CFLAR: variants seen among roughly 807,000 people sequenced by gnomAD.
CFLAR encodes CASP8 and FADD-like apoptosis regulator.
Under a neutral mutation model 51.1 loss-of-function variants are expected in CFLAR, and 14 were observed. The ratio of observed to expected loss-of-function variants is 0.27; its 90% CI spans 0.18 to 0.43. The LOEUF (loss-of-function observed/expected upper bound fraction) is 0.43. CFLAR is among the 20% of genes least tolerant of loss of function. CFLAR has a pLI of 1.00. For missense variants in CFLAR, 390 were observed against 566.5 expected (o/e 0.69, Z 3.16); for synonymous variants, 210 against 211.6 (o/e 0.99, Z 0.06).
chr2:201,122,060 C>T (rs992352500), intron 1 of CFLAR, among the ~76,000 whole-genome samples: 3 of 152,230 alleles, frequency 2.0e-5, no homozygotes, highest in African/African-American at 7.2e-5. Context: ...GAGACCTGGT[C>T]TCTGAACTCA....
At chr2:201,129,702 T>G (rs1028175670) in intron 1 of CFLAR, 27 bp from the exon 2 acceptor site, 5 of 642,900 alleles carry the variant, frequency 7.8e-6, no homozygotes, top group Non-Finnish European at 1.1e-5. Context: ...TGATAAGATT[T>G]TCAGAAAAAT....
chr2:201,153,039 T>G (rs1270604481), intron 8 of CFLAR: 2 of 152,240 alleles, frequency 1.3e-5, no homozygotes, highest in African/African-American at 2.4e-5. Flanking sequence ...TCCTTTAAAG[T>G]TCAACATCTT....
rs902288477 is a variant in CFLAR, at chr2:201,138,079, C to T, written c.523+1972C>T. The T allele has an allele frequency of 1.6e-5, 12 of 732,732 alleles. No individual in the cohort carries two copies. Among genetic ancestry groups the T allele is most frequent in the South Asian group, 4.3e-5 (3 of 70,096 alleles). The allele number at this position is 732,732 out of a possible 1,614,324, so 45.4% of individuals were successfully genotyped here. ...ACTTCCTGGTTGATGTAGATGGAGC[C>T]GCGCAGTCCATGCCCCTGCCCAGCC... On this transcript the variant is annotated intron_variant, in intron 4 of 9. Transcript: ENST00000309955. This position sits in a 1 kb window ranked among gnomAD's most constrained non-coding sequence, Gnocchi z 4.0.
At chr2:201,149,248 T>C in intron 7 of CFLAR, 196 bp downstream of exon 7, 1 of 486,210 alleles carries the variant, frequency 2.1e-6, no homozygotes, top group Admixed American at 3.4e-5. Context: ...TTAGTGAACT[T>C]TGGAATGCAG....
In CFLAR at chr2:201,174,995, A is replaced by G. The variant is rs1055719074; in HGVS notation, c.*11022A>G. 1.4e-4 allele frequency: 21 copies of G among 152,202 alleles called. No homozygotes were observed. The highest frequency in any genetic ancestry group is 7.2e-5 in the African/African-American group (3 of 41,456). The allele number at this position is 152,202 out of a possible 1,614,324, so 9.4% of individuals were successfully genotyped here. A position where few individuals can be genotyped will look rare whatever the true frequency, so the allele number is the denominator to read the frequency against. On this transcript the variant is annotated 3_prime_UTR_variant, in exon 10 of 10. Transcript: ENST00000309955. ...CATTAGCACGCTAAAAGAAACTTCT[A>G]CAGCACCATGATAGTTTACAACTGC...
intron 8 of CFLAR, among the ~76,000 whole-genome samples, chr2:201,152,393 A>G (rs1380462934): frequency 1.3e-5 from 2 of 152,170 alleles, no homozygotes; most frequent in Non-Finnish European, 2.9e-5. Flanking sequence ...AAGTGGGTTA[A>G]TAACAGGACC....
Position 201,138,194 on chromosome 2 carries a change from A to C in CFLAR, c.523+2087A>C, listed in dbSNP as rs909180988. On this transcript the variant is annotated intron_variant, in intron 4 of 9. Transcript: ENST00000309955. This position sits in a 1 kb window ranked among gnomAD's most constrained non-coding sequence, Gnocchi z 4.0. ...CTGGAGGTGGGGTTACTTTTGTTTG[A>C]TGTAATGCACCATGGCGATCTGATA... 3.0e-6 allele frequency: 3 copies of C among 988,674 alleles called. No homozygotes were observed. The highest frequency in any genetic ancestry group is 4.9e-6 in the Non-Finnish European group (3 of 614,702). The allele number at this position is 988,674 out of a possible 1,614,324, so 61.2% of individuals were successfully genotyped here. A position where few individuals can be genotyped will look rare whatever the true frequency, so the allele number is the denominator to read the frequency against.
intron 6 of CFLAR, chr2:201,148,701 A>G (rs1485313517): frequency 6.3e-6 from 2 of 316,154 alleles, no homozygotes; most frequent in Non-Finnish European, 1.2e-5. Context: ...TTCTCCTATC[A>G]AGTTAAAAAC....
At chr2:201,136,520 C>T in intron 4 of CFLAR, 3 of 1,535,838 alleles carry the variant, frequency 2.0e-6, no homozygotes, top group East Asian at 4.6e-5. Flanking sequence ...GCATGTGTCC[C>T]AAGTTTCACA....
At position 201,136,011 on chromosome 2, in the gene CFLAR, C is replaced by A. The variant is rs1303027882; in HGVS notation, c.427C>A (p.Leu143Met). The A allele has an allele frequency of 1.2e-6, 2 of 1,613,654 alleles. No individual in the cohort carries two copies. The highest frequency in any genetic ancestry group is 1.7e-6 in the Non-Finnish European group (2 of 1,179,916). The change falls in exon 4 of 10, where the codon CTG (leucine) becomes ATG (methionine). Residue 143 changes from leucine to methionine, a missense_variant. This residue lies in a region of CFLAR where 103 missense variants were observed against 202.9 expected (regional missense o/e 0.51). Coordinates refer to ENST00000309955, the MANE Select transcript of CFLAR (RefSeq NM_003879.7). ...DLVVELEKLN[L>M]VAPDQLDLLE... ...TGTGGTTGAGTTGGAGAAACTAAAT[C>A]TGGTTGCCCCAGATCAACTGGATTT...
At chr2:201,126,796 C>G (rs2125639850) in intron 1 of CFLAR, among the ~76,000 whole-genome samples, 1 of 152,282 alleles carries the variant, frequency 6.6e-6, no homozygotes, top group South Asian at 2.1e-4. Context: ...ACAAAAAATG[C>G]CTGGAATATT....
Position 201,167,361 on chromosome 2 carries a change from T to C in CFLAR, c.*3388T>C, listed in dbSNP as rs1208979478. 1 of 152,606 alleles carries C rather than the reference T, an allele frequency of 6.6e-6. No homozygotes were observed. The highest frequency in any genetic ancestry group is 1.5e-5 in the Non-Finnish European group (1 of 68,442). The allele number at this position is 152,606 out of a possible 1,614,324, so 9.5% of individuals were successfully genotyped here. A position where few individuals can be genotyped will look rare whatever the true frequency, so the allele number is the denominator to read the frequency against. ...TCTACAAAAAAAGACAAAATTTAGC[T>C]GAGCGTGGTGGCGTGTTCCTGTAGT... On this transcript the variant is annotated 3_prime_UTR_variant, in exon 10 of 10. Transcript: ENST00000309955.
At chr2:201,148,313 T>C (rs576244511) in intron 6 of CFLAR, 5 of 152,054 alleles carry the variant, frequency 3.3e-5, no homozygotes, top group African/African-American at 1.2e-4. Context: ...TTTTTTTAAT[T>C]TTTTTCTTTT....
At chr2:201,129,456 T>TTCTG (rs1326928993) in intron 1 of CFLAR, 10 of 309,528 alleles carry the variant, frequency 3.2e-5, no homozygotes, top group African/African-American at 2.1e-4. Flanking sequence ...TTCTGATGAA[T>TTCTG]TCTGAAAAAG....
In CFLAR at chr2:201,154,053, C is replaced by T. The variant is rs146795081; in HGVS notation, c.793+4218C>T. 806 of 258,062 alleles carry T rather than the reference C, an allele frequency of 3.1e-3. 8 individuals carry two copies. Among genetic ancestry groups the T allele is most frequent in the African/African-American group, 0.018 (722 of 41,228 alleles). The allele number at this position is 258,062 out of a possible 1,614,324, so 16.0% of individuals were successfully genotyped here. A position where few individuals can be genotyped will look rare whatever the true frequency, so the allele number is the denominator to read the frequency against. ...CTGAGTAGCTGGGATTACAGGCATG[C>T]GCCACCACGCCCAGCTAATTTTTCT... On this transcript the variant is annotated intron_variant, in intron 8 of 9. Transcript: ENST00000309955.
chr2:201,130,348 T>G (rs1238258480), intron 2 of CFLAR, among the ~76,000 whole-genome samples: 1 of 144,984 alleles, frequency 6.9e-6, no homozygotes, highest in Non-Finnish European at 1.5e-5. Flanking sequence ...TCTTTTTCTT[T>G]CTTTCTTTTT....
chr2:201,150,158 AC>A (rs1451511526), intron 8 of CFLAR: 1 of 160,194 alleles, frequency 6.2e-6, no homozygotes, highest in Non-Finnish European at 1.4e-5. Context: ...ATATGGTGAA[AC>A]CCCGTCTCTA....
chr2:201,127,351 C>T (rs2125643311), intron 1 of CFLAR, among the ~76,000 whole-genome samples: 1 of 152,294 alleles, frequency 6.6e-6, no homozygotes, highest in South Asian at 2.1e-4. Context: ...AAGTCTTTTA[C>T]TGGGCTCTAA....
chr2:201,129,003 T>C (rs935257798), intron 1 of CFLAR, among the ~76,000 whole-genome samples: 1 of 152,180 alleles, frequency 6.6e-6, no homozygotes, highest in Non-Finnish European at 1.5e-5. Flanking sequence ...CTAATGGCAA[T>C]TGCTGCCATG....
Sources: allele counts gnomAD v4.1 joint callset (sites outside exome capture counted in the v4.1 genomes callset), GRCh38; gene constraint gnomAD v4.1.1; regional missense constraint gnomAD v4.1.1; non-coding constraint Gnocchi (gnomAD v3.1); transcripts MANE v1.5; gene names NCBI Gene and HGNC (gene_info 2026-07-23, HGNC 2026-07-21).